Variants in OR4D2 observed in about 807,000 individuals in gnomAD.
OR4D2 encodes the protein olfactory receptor family 4 subfamily D member 2.
In OR4D2, 9 loss-of-function variants were observed where a neutral mutation model predicts 12.4. The observed-to-expected ratio is 0.73, with a 90% CI of 0.44 to 1.27. The LOEUF (loss-of-function observed/expected upper bound fraction) is 1.27, where lower values mean the gene tolerates loss of function less well. Ranked by LOEUF, OR4D2 falls within the 50% of genes most tolerant of loss-of-function variation. The pLI, the probability that OR4D2 is intolerant of heterozygous loss-of-function variation, is 0.00. For missense variants in OR4D2, 373 were observed against 381.6 expected (o/e 0.98, Z 0.19); for synonymous variants, 151 against 151.1 (o/e 1.00, Z 0.01).
intron 1 of OR4D2, chr17:58,169,305 C>T: frequency 3.7e-6 from 1 of 267,410 alleles, no homozygotes; most frequent in South Asian, 5.2e-5. Flanking sequence ...AACTGAGGCC[C>T]AGAAAGATTA....
Position 58,170,584 on chromosome 17 carries a change from G to C in OR4D2, c.*5G>C. The C allele has an allele frequency of 6.2e-7, 1 of 1,609,596 alleles. No individual in the cohort carries two copies. Among genetic ancestry groups the C allele is most frequent in the Non-Finnish European group, 8.5e-7 (1 of 1,175,888 alleles). On this transcript the variant is annotated 3_prime_UTR_variant, in exon 2 of 2. Coordinates refer to ENST00000545221, the MANE Select transcript of OR4D2 (RefSeq NM_001004707.4). ...GGGAGACACCGGCTGGTTTGAGAGT[G>C]ACAATGGTAGGTTTCTTCTCTTTGG... is the stretch of plus-strand genomic sequence containing the variant.
chr17:58,167,740 C>A (rs1042388770), intron 1 of OR4D2, among the ~76,000 whole-genome samples: 1 of 151,888 alleles, frequency 6.6e-6, no homozygotes, highest in African/African-American at 2.4e-5. Context: ...TGAGGCCAGG[C>A]GCGGTGGCTC....
At position 58,170,648 on chromosome 17, in the gene OR4D2, C is replaced by A. The variant is rs982904200; in HGVS notation, c.*69C>A. ...TTGTGAAGTGGAGAGGGAGCTACTA[C>A]CTTTGCTCTCTTCATAGTGTGTTGA... On this transcript the variant is annotated 3_prime_UTR_variant, in exon 2 of 2. Coordinates refer to ENST00000545221, the MANE Select transcript of OR4D2 (RefSeq NM_001004707.4). The A allele has an allele frequency of 1.7e-6, 2 of 1,199,782 alleles. No homozygotes were observed. The highest frequency in any genetic ancestry group is 2.5e-6 in the Non-Finnish European group (2 of 804,110). 74.3% of individuals were successfully genotyped at this position (1,199,782 alleles called of 1,614,324 possible).
At chr17:58,169,606 A>G in intron 1 of OR4D2, 32 bp from the exon 2 acceptor site, 1 of 1,460,380 alleles carries the variant, frequency 6.8e-7, no homozygotes. Context: ...TAGTGACTTC[A>G]TGTATCTGTG....
rs1348644126 is a variant in OR4D2, at chr17:58,169,835, C to A, written c.180C>A (p.Tyr60Ter). The part of the protein sequence containing the change: ...TSDSQLHTPM[Y>*]FLLRNLAVLD... Reference sequence around the variant, plus strand: ...ATTCCCAGCTCCACACACCCATGTACTTTCTGCTCCGAAACCTGGCTGTCC... The same window carrying A: ...ATTCCCAGCTCCACACACCCATGTAATTTCTGCTCCGAAACCTGGCTGTCC... Residue 60 changes from tyrosine (Y) to a stop codon, truncating the protein, a stop_gained, in exon 2 of 2, where the codon TAC becomes TAA. Transcript: ENST00000545221. LOFTEE classifies it high-confidence loss of function. 1 of 1,614,194 alleles carries A rather than the reference C, an allele frequency of 6.2e-7. No homozygotes were observed. Among genetic ancestry groups the A allele is most frequent in the Non-Finnish European group, 8.5e-7 (1 of 1,180,026 alleles).
rs745970466 is a variant in OR4D2, at chr17:58,170,573, G to A, written c.918G>A (p.Leu306=). 6.2e-7 allele frequency: 1 copy of A among 1,613,342 alleles called. No individual in the cohort carries two copies. Among genetic ancestry groups the A allele is most frequent in the South Asian group, 1.1e-5 (1 of 91,060 alleles). ...TGAGAAGATTAGGGAGACACCGGCT[G>A]GTTTGAGAGTGACAATGGTAGGTTT... ...AAVRRLGRHR[L]V The change falls in exon 2 of 2, where the codon CTG becomes CTA. Residue 306 remains leucine, a synonymous_variant. Transcript: ENST00000545221.
At chr17:58,169,600 G>T in intron 1 of OR4D2, 38 bp from the exon 2 acceptor site, 1 of 1,419,028 alleles carries the variant, frequency 7.0e-7, no homozygotes, top group South Asian at 1.1e-5. Flanking sequence ...GGAAAGTAGT[G>T]ACTTCATGTA....
Position 58,170,324 on chromosome 17 carries a change from G to C in OR4D2, c.669G>C (p.Val223=), listed in dbSNP as rs1195030155. The change falls in exon 2 of 2, where the codon GTG becomes GTC. Residue 223 remains valine (V), a synonymous_variant. Transcript: ENST00000545221. Reference sequence around the variant, plus strand: ...TGATGTCCTACTTATTCATCCTGGTGATGCTGAGGTCACATCCAGGGGAGG... The same window carrying C: ...TGATGTCCTACTTATTCATCCTGGTCATGCTGAGGTCACATCCAGGGGAGG... ...LLLMSYLFIL[V]MLRSHPGEAR... is the part of the protein sequence containing the mutation. The C allele has an allele frequency of 1.9e-6, 3 of 1,614,176 alleles. No homozygotes were observed. Among genetic ancestry groups the C allele is most frequent in the Non-Finnish European group, 2.5e-6 (3 of 1,180,016 alleles).
At position 58,170,006 on chromosome 17, in the gene OR4D2, G is replaced by A; in HGVS notation, c.351G>A (p.Val117=). 6.2e-7 allele frequency: 1 copy of A among 1,614,076 alleles called. No homozygotes were observed. Among genetic ancestry groups the A allele is most frequent in the Non-Finnish European group, 8.5e-7 (1 of 1,180,030 alleles). ...LGGAMVFFLS[V]MAFDRLIAIS... ...GTGCCATGGTCTTCTTCCTCTCAGT[G>A]ATGGCCTTTGACCGCCTCATTGCCA... is the stretch of plus-strand genomic sequence containing the variant. The change falls in exon 2 of 2, where the codon GTG becomes GTA. Residue 117 remains valine, a synonymous_variant. Coordinates refer to ENST00000545221, the MANE Select transcript of OR4D2 (RefSeq NM_001004707.4).
chr17:58,169,529 A>G, intron 1 of OR4D2, 109 bp from the exon 2 acceptor site: 1 of 743,448 alleles, frequency 1.3e-6, no homozygotes. Flanking sequence ...AATGGTCTAC[A>G]CATAAGGATG....
chr17:58,170,705 C>A lies in OR4D2; in HGVS notation c.*126C>A. ...TCATAGCAGGGAATGAATTTTGAAA[C>A]TAAGCAACTTCGTGTTTTAGGAAAA... On this transcript the variant is annotated 3_prime_UTR_variant, in exon 2 of 2. Transcript: ENST00000545221. The A allele has an allele frequency of 1.3e-6, 1 of 747,674 alleles. No homozygotes were observed. Among genetic ancestry groups the A allele is most frequent in the Non-Finnish European group, 2.3e-6 (1 of 437,180 alleles). 46.3% of individuals were successfully genotyped at this position (747,674 alleles called of 1,614,324 possible). A position where few individuals can be genotyped will look rare whatever the true frequency, so the allele number is the denominator to read the frequency against.
rs933511413 is a variant in OR4D2 at position 58,170,072 on chromosome 17, G to A, written c.417G>A (p.Gln139=). The change falls in exon 2 of 2, where the codon CAG becomes CAA. Residue 139 remains glutamine (Q), a synonymous_variant. Coordinates refer to ENST00000545221, the MANE Select transcript of OR4D2 (RefSeq NM_001004707.4). ...GCTATGTCACCGTCATGAACACTCA[G>A]CTCTGGGTGGGGCTGGTGGTAGCCA... ...PLRYVTVMNT[Q]LWVGLVVATW... 1 of 1,613,958 alleles carries A rather than the reference G, an allele frequency of 6.2e-7. No individual in the cohort carries two copies. The highest frequency in any genetic ancestry group is 8.5e-7 in the Non-Finnish European group (1 of 1,180,036).
intron 1 of OR4D2, among the ~76,000 whole-genome samples, chr17:58,169,074 C>G (rs758871377): frequency 6.6e-6 from 1 of 152,076 alleles, no homozygotes; most frequent in Non-Finnish European, 1.5e-5. Context: ...TCCATTAACA[C>G]GATGATGTAT....
rs979017080 is a variant in OR4D2 at position 58,169,792 on chromosome 17, T to A, written c.137T>A (p.Ile46Asn). ...ACTGTTATGGGAAACATCCTTATCATCATCACAGTGACCTCTGATTCCCAG... is the reference window on the plus strand; with the variant it reads ...ACTGTTATGGGAAACATCCTTATCAACATCACAGTGACCTCTGATTCCCAG... ...ITTVMGNILI[I>N]ITVTSDSQLH... Residue 46 changes from isoleucine to asparagine, a missense_variant, in exon 2 of 2, where the codon ATC becomes AAC. Ile to Asn is a moderately radical substitution (Grantham distance 149). Transcript: ENST00000545221. 2.5e-6 allele frequency: 4 copies of A among 1,614,132 alleles called. No homozygotes were observed.
At chr17:58,168,748 C>T (rs1967922693) in intron 1 of OR4D2, among the ~76,000 whole-genome samples, 2 of 152,302 alleles carry the variant, frequency 1.3e-5, no homozygotes, top group South Asian at 2.1e-4. Context: ...ATCTATTTCT[C>T]AATCCAATGA....
chr17:58,168,111 AGGTAAGAGAG>A (rs1395131939), intron 1 of OR4D2, among the ~76,000 whole-genome samples: 1 of 149,034 alleles, frequency 6.7e-6, no homozygotes, highest in Non-Finnish European at 1.5e-5. Context: ...GCAATAGGCC[AGGTAAGAGAG>A]GGTAAGAGAG....
At position 58,170,732 on chromosome 17, in the gene OR4D2, A is replaced by G. The variant is rs1342003618; in HGVS notation, c.*153A>G. 22 of 650,988 alleles carry G rather than the reference A, an allele frequency of 3.4e-5. No individual in the cohort carries two copies. Among genetic ancestry groups the G allele is most frequent in the Non-Finnish European group, 5.7e-5 (21 of 366,996 alleles). The allele number at this position is 650,988 out of a possible 1,614,324, so 40.3% of individuals were successfully genotyped here. A position where few individuals can be genotyped will look rare whatever the true frequency, so the allele number is the denominator to read the frequency against. Reference sequence around the variant, plus strand: ...AAGCAACTTCGTGTTTTAGGAAAAAAGAAAGTATCCTCTTTGGTGGTTAAG... The same window carrying G: ...AAGCAACTTCGTGTTTTAGGAAAAAGGAAAGTATCCTCTTTGGTGGTTAAG... On this transcript the variant is annotated 3_prime_UTR_variant, in exon 2 of 2. Transcript: ENST00000545221.
Position 58,169,724 on chromosome 17 carries a change from C to T in OR4D2, c.69C>T (p.Leu23=), listed in dbSNP as rs759148353. The T allele has an allele frequency of 6.2e-7, 1 of 1,614,032 alleles. No individual in the cohort carries two copies. The highest frequency in any genetic ancestry group is 1.1e-5 in the South Asian group (1 of 91,072). ...TGGGGCTCTCGCAGACTCGGGAGCT[C>T]CAGCGTTTCCTGTTTCTAATGTTCC... ...VFLGLSQTRE[L]QRFLFLMFLF... Residue 23 remains leucine (L), a synonymous_variant, in exon 2 of 2, where the codon CTC becomes CTT. Transcript: ENST00000545221.
rs1307067988 is a variant in OR4D2 at position 58,170,406 on chromosome 17, T to A, written c.751T>A (p.Phe251Ile). Residue 251 changes from phenylalanine to isoleucine, a missense_variant, in exon 2 of 2, where the codon TTC (phenylalanine) becomes ATC (isoleucine). By Grantham distance (21) the Phe-to-Ile change is conservative. Transcript: ENST00000545221. Reference protein sequence around the residue: ...TTHIIVVSMIFVPSIYLYARP... With the variant: ...TTHIIVVSMIIVPSIYLYARP... The stretch of plus-strand genomic sequence containing the variant: ...CCACATCATCGTGGTTTCCATGATC[T>A]TCGTTCCAAGCATTTACCTCTATGC... 2 of 1,614,094 alleles carry A rather than the reference T, an allele frequency of 1.2e-6. No homozygotes were observed. Among genetic ancestry groups the A allele is most frequent in the Admixed American group, 1.7e-5 (1 of 60,012 alleles).
Sources: allele counts gnomAD v4.1 joint callset (sites outside exome capture counted in the v4.1 genomes callset), GRCh38; gene constraint gnomAD v4.1.1; transcripts MANE v1.5; gene names NCBI Gene and HGNC (gene_info 2026-07-23, HGNC 2026-07-21).